ROBO1: variants seen among roughly 807,000 people sequenced by gnomAD.
ROBO1 encodes the protein roundabout guidance receptor 1.
ROBO1 carries 149 observed loss-of-function variants against 195.9 expected under a neutral mutation model. That is an observed-to-expected ratio of 0.76 (90% CI 0.67 to 0.87). The LOEUF (loss-of-function observed/expected upper bound fraction) is 0.87. Among genes scored for constraint, ROBO1 ranks in the 40% least tolerant of loss-of-function variants. The probability of loss-of-function intolerance (pLI) is 0.00; values close to 1 mark genes in which losing one functional copy is unlikely to be tolerated. For synonymous variants in ROBO1, 816 were observed against 733.2 expected, an observed-to-expected ratio of 1.11 and a Z score of -1.82; for missense variants, 1,933 against 2,068.3, an observed-to-expected ratio of 0.93 and a Z score of 1.27.
chr3:79,072,423 C>A (rs534275401), intron 3 of ROBO1, among the ~76,000 whole-genome samples: 30 of 151,908 alleles, frequency 2.0e-4, no homozygotes, highest in Middle Eastern at 3.4e-3. Context: ...GTGAAAAAAA[C>A]CAAATAATAT....
rs1475718422 is a variant in ROBO1 at position 79,333,061 on chromosome 3, G to A, written c.89-207522C>T. Among the ~76,000 whole-genome samples, 4 of 151,332 alleles carry A rather than the reference G, an allele frequency of 2.6e-5. No homozygotes were observed. The East Asian group carries it at 8.0e-4, about 30-fold the overall frequency. ...TGCTGAAAATACAAAAAATTAGCCAGGGGGGGTAGCATGCGCCTGTAGTCC... is the reference window on the plus strand; with the variant it reads ...TGCTGAAAATACAAAAAATTAGCCAAGGGGGGTAGCATGCGCCTGTAGTCC... On this transcript the variant is annotated intron_variant, in intron 2 of 30. Coordinates refer to ENST00000464233, the MANE Select transcript of ROBO1 (RefSeq NM_002941.4).
At chr3:78,928,619 C>A (rs531427506) in intron 4 of ROBO1, among the ~76,000 whole-genome samples, 1 of 152,066 alleles carries the variant, frequency 6.6e-6, no homozygotes, top group Admixed American at 6.5e-5. Context: ...AATATTGTTC[C>A]TCTTTCATCA....
chr3:79,205,995 T>G (rs997303430), intron 2 of ROBO1, among the ~76,000 whole-genome samples: 3 of 152,200 alleles, frequency 2.0e-5, no homozygotes, highest in Non-Finnish European at 4.4e-5. Flanking sequence ...AAGCTTCACT[T>G]TCCTAGGTTT....
intron 6 of ROBO1, 48 bp from the exon 7 acceptor site, chr3:78,717,461 G>T (rs371862710): frequency 3.3e-6 from 5 of 1,532,504 alleles, no homozygotes; most frequent in African/African-American, 2.7e-5. Flanking sequence ...AAATGAACCA[G>T]CTGAAAAACA....
intron 1 of ROBO1, among the ~76,000 whole-genome samples, chr3:79,706,758 C>T (rs1947785907): frequency 6.6e-6 from 1 of 152,142 alleles, no homozygotes; most frequent in Admixed American, 6.6e-5. Context: ...GATTGTGAGG[C>T]GTCCCCAGCT....
At chr3:79,643,379 G>A (rs983925017) in intron 1 of ROBO1, among the ~76,000 whole-genome samples, 1 of 152,036 alleles carries the variant, frequency 6.6e-6, no homozygotes, top group Non-Finnish European at 1.5e-5. Context: ...GTGATTGTGT[G>A]AGTCAATACT....
At chr3:78,888,898 C>T (rs1306755450) in intron 4 of ROBO1, among the ~76,000 whole-genome samples, 1 of 152,184 alleles carries the variant, frequency 6.6e-6, no homozygotes, top group African/African-American at 2.4e-5. Context: ...GAAAAACTAA[C>T]TGTTCACCTT....
intron 3 of ROBO1, among the ~76,000 whole-genome samples, chr3:79,105,309 T>G (rs1272556133): frequency 6.6e-6 from 1 of 151,664 alleles, no homozygotes; most frequent in South Asian, 2.1e-4. Flanking sequence ...AAGTGCATAA[T>G]CAGGCAATTT....
intron 2 of ROBO1, among the ~76,000 whole-genome samples, chr3:79,516,242 AT>A (rs1940938706): frequency 6.6e-6 from 1 of 152,212 alleles, no homozygotes; most frequent in South Asian, 2.1e-4. Flanking sequence ...TAAAGATAAC[AT>A]AAGTTCTACT....
intron 3 of ROBO1, among the ~76,000 whole-genome samples, chr3:79,071,108 G>A (rs1485654824): frequency 6.6e-6 from 1 of 151,704 alleles, no homozygotes; most frequent in Non-Finnish European, 1.5e-5. Context: ...CAATTTTCAT[G>A]TGTACATGTT....
At chr3:79,309,333 C>G in intron 2 of ROBO1, among the ~76,000 whole-genome samples, 1 of 152,068 alleles carries the variant, frequency 6.6e-6, no homozygotes, top group East Asian at 1.9e-4. Flanking sequence ...CTTTGGGAGG[C>G]CAAGGTGGGC....
At chr3:78,646,916 T>C (rs1389852700) in intron 20 of ROBO1, among the ~76,000 whole-genome samples, 2 of 152,038 alleles carry the variant, frequency 1.3e-5, no homozygotes, top group African/African-American at 2.4e-5. Context: ...TTAAGAAGAT[T>C]AGCTTTTCTG....
chr3:79,424,736 T>C (rs1160535310), intron 2 of ROBO1, among the ~76,000 whole-genome samples: 3 of 152,134 alleles, frequency 2.0e-5, no homozygotes, highest in Non-Finnish European at 4.4e-5. Context: ...TGTAACCTTC[T>C]CTGGATGTGG....
intron 1 of ROBO1, among the ~76,000 whole-genome samples, chr3:79,596,850 T>C (rs1409430188): frequency 1.3e-5 from 2 of 151,972 alleles, no homozygotes; most frequent in East Asian, 3.9e-4. Flanking sequence ...TCAGCACAAA[T>C]TGTATAACTT....
intron 4 of ROBO1, among the ~76,000 whole-genome samples, chr3:78,753,005 T>A (rs1398547511): frequency 6.6e-6 from 1 of 152,158 alleles, no homozygotes; most frequent in African/African-American, 2.4e-5. Context: ...AACTCTTATG[T>A]CCTAACCTAG....
intron 1 of ROBO1, among the ~76,000 whole-genome samples, chr3:79,690,813 C>T (rs769912832): frequency 1.3e-5 from 2 of 151,826 alleles, no homozygotes; most frequent in Non-Finnish European, 2.9e-5. Flanking sequence ...GGTGCTCCAT[C>T]TCTTAACATA....
intron 3 of ROBO1, among the ~76,000 whole-genome samples, chr3:79,043,982 T>A (rs2078538485): frequency 6.6e-6 from 1 of 152,098 alleles, no homozygotes; most frequent in Admixed American, 6.6e-5. Flanking sequence ...ATGGCTGCAT[T>A]AAAATTTACC....
rs992947741 is a variant in ROBO1, at chr3:79,459,039, C to T, written c.88+130785G>A. Among the ~76,000 whole-genome samples, 13 of 152,146 alleles carry T rather than the reference C, an allele frequency of 8.5e-5. No individual in the cohort carries two copies. The East Asian group carries it at 9.6e-4, about 11-fold the overall frequency. ...TCCAACTTTATGCTAACTTATTAAA[C>T]GTTTTTAAGTGGTGACATTGAATTA... On this transcript the variant is annotated intron_variant, in intron 2 of 30. Transcript: ENST00000464233.
intron 2 of ROBO1, among the ~76,000 whole-genome samples, chr3:79,262,259 A>G (rs1232702107): frequency 3.9e-5 from 6 of 152,186 alleles, no homozygotes; most frequent in Admixed American, 6.6e-5. Flanking sequence ...TGCTCTAGAA[A>G]ATCAGCAGGA....
Sources: gnomAD v4.1 joint callset for allele counts (sites outside exome capture counted in the v4.1 genomes callset) on GRCh38, gnomAD v4.1.1 for gene constraint, MANE v1.5 for transcripts, NCBI Gene and HGNC (gene_info 2026-07-23, HGNC 2026-07-21) for gene names.